Variants in FBXW7 observed in about 807,000 individuals in gnomAD.
FBXW7 encodes F-box and WD repeat domain containing 7.
Under a neutral mutation model 86.3 loss-of-function variants are expected in FBXW7, and 11 were observed. The ratio of observed to expected loss-of-function variants is 0.13; its 90% CI spans 0.08 to 0.21. FBXW7 has a LOEUF of 0.21. FBXW7 is among the 10% of genes least tolerant of loss of function. FBXW7 has a pLI of 1.00. For missense variants in FBXW7, 488 were observed against 847.4 expected (o/e 0.58, Z 5.27); for synonymous variants, 313 against 297.9 (o/e 1.05, Z -0.52).
intron 2 of FBXW7, among the ~76,000 whole-genome samples, chr4:152,488,007 T>C (rs1295106886): frequency 6.6e-6 from 1 of 151,826 alleles, no homozygotes; most frequent in African/African-American, 2.4e-5. Context: ...AAATAAAAAA[T>C]AATGTTAAAA....
intron 4 of FBXW7, among the ~76,000 whole-genome samples, chr4:152,404,729 C>T (rs1353312865): frequency 6.6e-6 from 1 of 152,140 alleles, no homozygotes; most frequent in Non-Finnish European, 1.5e-5. Flanking sequence ...TACTGAATAC[C>T]TGAGTCTTAA....
intron 2 of FBXW7, among the ~76,000 whole-genome samples, chr4:152,467,286 C>A (rs1342734537): frequency 2.0e-5 from 3 of 152,030 alleles, no homozygotes; most frequent in South Asian, 4.1e-4. Context: ...GGGGCTTTTC[C>A]CCCGATTCAC....
intron 2 of FBXW7, among the ~76,000 whole-genome samples, chr4:152,525,615 C>G (rs1315863209): frequency 1.3e-5 from 2 of 152,182 alleles, no homozygotes; most frequent in East Asian, 3.8e-4. Flanking sequence ...ATCCATACTC[C>G]CACAAAAGAC....
At chr4:152,379,556 TCAC>T (rs1169540202) in intron 4 of FBXW7, among the ~76,000 whole-genome samples, 10 of 152,152 alleles carry the variant, frequency 6.6e-5, no homozygotes, top group African/African-American at 2.4e-4. Flanking sequence ...TCTCACTCTG[TCAC>T]CCAAGCTGGA....
chr4:152,503,517 T>C (rs1301674191), intron 2 of FBXW7, among the ~76,000 whole-genome samples: 5 of 152,198 alleles, frequency 3.3e-5, no homozygotes, highest in Admixed American at 2.0e-4. Context: ...AGAGATCCAC[T>C]TGCCTTGGCC....
chr4:152,456,769 T>C (rs1312794874), intron 2 of FBXW7, among the ~76,000 whole-genome samples: 1 of 152,210 alleles, frequency 6.6e-6, no homozygotes, highest in Non-Finnish European at 1.5e-5. Flanking sequence ...GCTCATACAC[T>C]GCAAGTGGTA....
chr4:152,429,686 T>C (rs543950194), intron 2 of FBXW7, among the ~76,000 whole-genome samples: 1 of 152,260 alleles, frequency 6.6e-6, no homozygotes, highest in East Asian at 1.9e-4. Context: ...CTATAAATCT[T>C]TGGGCAAGCA....
At chr4:152,484,546 T>C (rs1189538037) in intron 2 of FBXW7, among the ~76,000 whole-genome samples, 1 of 152,016 alleles carries the variant, frequency 6.6e-6, no homozygotes, top group African/African-American at 2.4e-5. Flanking sequence ...AAAGGGAAAA[T>C]CAACTGCAGA....
intron 4 of FBXW7, among the ~76,000 whole-genome samples, chr4:152,388,567 T>G (rs1424057335): frequency 6.6e-6 from 1 of 152,094 alleles, no homozygotes; most frequent in Non-Finnish European, 1.5e-5. Flanking sequence ...ACATTATAAA[T>G]TAAAAAGTAA....
chr4:152,332,041 G>C (rs957685640), intron 8 of FBXW7, among the ~76,000 whole-genome samples: 1 of 151,832 alleles, frequency 6.6e-6, no homozygotes, highest in African/African-American at 2.4e-5. Flanking sequence ...TTGCTTCTGA[G>C]GCACATAGTA....
chr4:152,515,120 TTCAA>T (rs1748355267), intron 2 of FBXW7, among the ~76,000 whole-genome samples: 1 of 152,094 alleles, frequency 6.6e-6, no homozygotes, highest in South Asian at 2.1e-4. Context: ...CTTAGAAAGC[TTCAA>T]GAAGAATCAC....
chr4:152,363,427 T>C (rs1733170956), intron 4 of FBXW7, among the ~76,000 whole-genome samples: 1 of 152,132 alleles, frequency 6.6e-6, no homozygotes, highest in African/African-American at 2.4e-5. Context: ...CAATAAAAAA[T>C]GACAAATCCA....
At chr4:152,365,237 T>C (rs956663099) in intron 4 of FBXW7, among the ~76,000 whole-genome samples, 1 of 152,004 alleles carries the variant, frequency 6.6e-6, no homozygotes, top group Admixed American at 6.6e-5. Flanking sequence ...GCTGAAGAAG[T>C]AGACAAGGGA....
intron 4 of FBXW7, among the ~76,000 whole-genome samples, chr4:152,397,695 CAAAAAAAA>C (rs397995836): frequency 5.0e-5 from 3 of 60,406 alleles, no homozygotes; most frequent in Non-Finnish European, 1.0e-4. Context: ...CCTAAGAAGC[CAAAAAAAA>C]AAAAAAAAAA....
chr4:152,328,623 C>A, intron 10 of FBXW7: 6 of 318,462 alleles, frequency 1.9e-5, no homozygotes, highest in Non-Finnish European at 2.8e-5. Context: ...AGAAAGCAAA[C>A]ATATGATATA....
At chr4:152,398,960 T>A (rs1736677272) in intron 4 of FBXW7, among the ~76,000 whole-genome samples, 1 of 152,192 alleles carries the variant, frequency 6.6e-6, no homozygotes, top group Non-Finnish European at 1.5e-5. Context: ...TTACATTTGT[T>A]ATTATGTTTA....
rs377565737 is a variant in FBXW7, at chr4:152,392,472, C to T, written c.501+18831G>A. Among the ~76,000 whole-genome samples, 5 of 151,986 alleles carry T rather than the reference C, an allele frequency of 3.3e-5. No individual in the cohort carries two copies. The East Asian group carries it at 7.7e-4, about 23-fold the overall frequency. Reference sequence around the variant, plus strand: ...TATATAGAGATGTTAGGAGATGATACGGAAAAAGAATTTCTGGGTCAGCCC... The same window carrying T: ...TATATAGAGATGTTAGGAGATGATATGGAAAAAGAATTTCTGGGTCAGCCC... On this transcript the variant is annotated intron_variant, in intron 4 of 13. Transcript: ENST00000281708.
At chr4:152,407,026 T>C (rs1295087974) in intron 4 of FBXW7, among the ~76,000 whole-genome samples, 1 of 152,202 alleles carries the variant, frequency 6.6e-6, no homozygotes, top group African/African-American at 2.4e-5. Flanking sequence ...TTGTTTTACA[T>C]AAATTATTTC....
rs2126877746 is a variant in FBXW7, at chr4:152,411,417, A to G, written c.387T>C (p.Asp129=). The change falls in exon 4 of 14, where the codon GAT becomes GAC. Residue 129 remains aspartate, a synonymous_variant. Transcript: ENST00000281708. Reference sequence around the variant, plus strand: ...TATGTTCATCTTCTCTGCTACTATCATCAGACTGATCAAAATCGTCACTCT... The same window carrying G: ...TATGTTCATCTTCTCTGCTACTATCGTCAGACTGATCAAAATCGTCACTCT... ...DQESDDFDQS[D]DSSREDEHTH... is the part of the protein sequence containing the mutation. The G allele has an allele frequency of 6.2e-7, 1 of 1,613,650 alleles. No homozygotes were observed. Among genetic ancestry groups the G allele is most frequent in the Non-Finnish European group, 8.5e-7 (1 of 1,179,868 alleles).
Sources: gnomAD v4.1 joint callset for allele counts (sites outside exome capture counted in the v4.1 genomes callset) on GRCh38, gnomAD v4.1.1 for gene constraint, MANE v1.5 for transcripts, NCBI Gene and HGNC (gene_info 2026-07-23, HGNC 2026-07-21) for gene names.